The following TGM2 variants were observed in gnomAD, a reference collection of about 807,000 sequenced individuals.
TGM2 encodes protein-glutamine gamma-glutamyltransferase 2.
In TGM2, 53 loss-of-function variants were observed where a neutral mutation model predicts 75.6. The ratio of observed to expected loss-of-function variants is 0.70; its 90% CI spans 0.56 to 0.88. The LOEUF is 0.88. Ranked by LOEUF, TGM2 falls within the 40% of genes least tolerant of loss-of-function variation. The probability of loss-of-function intolerance (pLI) is 0.00; values close to 1 mark genes in which losing one functional copy is unlikely to be tolerated. For synonymous variants in TGM2, 374 were observed against 381.1 expected (o/e 0.98, Z 0.22); for missense variants, 842 against 928.5 (o/e 0.91, Z 1.21).
chr20:38,146,780 T>G lies in TGM2; in HGVS notation c.796A>C (p.Asn266His). ...TACTTGACGCGCTGGCAGCCGTGGTTCTTCCAGCGCCGCAGGATGTCCACG... is the reference window on the plus strand; with the variant it reads ...TACTTGACGCGCTGGCAGCCGTGGTGCTTCCAGCGCCGCAGGATGTCCACG... ...GSVDILRRWK[N>H]HGCQRVKYGQ... is the part of the protein sequence containing the mutation. Residue 266 changes from asparagine (N) to histidine (H), a missense_variant, in exon 6 of 13, where the codon AAC becomes CAC. Physicochemically the swap from Asn to His is moderately conservative, Grantham distance 68. Coordinates refer to ENST00000361475, the MANE Select transcript of TGM2 (RefSeq NM_004613.4). The G allele has an allele frequency of 6.2e-7, 1 of 1,613,918 alleles. No homozygotes were observed. The highest frequency in any genetic ancestry group is 1.1e-5 in the South Asian group (1 of 91,080).
intron 10 of TGM2, among the ~76,000 whole-genome samples, chr20:38,135,026 G>A (rs906707916): frequency 2.3e-4 from 35 of 152,296 alleles, no homozygotes; most frequent in African/African-American, 7.7e-4. Context: ...GTCTCCAGTG[G>A]ATCCCCAACA....
chr20:38,155,785 C>G, intron 3 of TGM2, 62 bp downstream of exon 3: 1 of 1,545,872 alleles, frequency 6.5e-7, no homozygotes, highest in Non-Finnish European at 8.7e-7. Flanking sequence ...CCAGTAGCCT[C>G]CTCCATGGGC....
At chr20:38,157,799 A>G (rs551457835) in intron 2 of TGM2, among the ~76,000 whole-genome samples, 13 of 152,372 alleles carry the variant, frequency 8.5e-5, no homozygotes, top group African/African-American at 2.6e-4. Flanking sequence ...GTTCATAGAA[A>G]GCATTTTGAA....
chr20:38,138,370 C>G lies in TGM2; in HGVS notation c.1358G>C (p.Arg453Thr). The change falls in exon 10 of 13, where the codon AGG becomes ACG. Residue 453 changes from arginine (R) to threonine (T), a missense_variant. Coordinates refer to ENST00000361475, the MANE Select transcript of TGM2 (RefSeq NM_004613.4). The part of the protein sequence containing the change: ...YKYPEGSSEE[R>T]EAFTRANHLN... ...GTGGTTCGCCCTTGTGAAGGCCTCC[C>G]TCTCCTCTGAGGACCCTGTAGGGGT... is the stretch of plus-strand genomic sequence containing the variant. 6.2e-7 allele frequency: 1 copy of G among 1,614,038 alleles called. No individual in the cohort carries two copies.
Position 38,139,663 on chromosome 20 carries a change from G to T in TGM2, c.1100-9C>A. On this transcript the variant is annotated splice_polypyrimidine_tract_variant and intron_variant, in intron 8 of 12. Coordinates refer to ENST00000361475, the MANE Select transcript of TGM2 (RefSeq NM_004613.4). ...GCCACAGCAGTACGTCCCTGGCAGA[G>T]GTAGAAAGGGGAAGGGATGGGCCTG... 1 of 1,614,092 alleles carries T rather than the reference G, an allele frequency of 6.2e-7. No individual in the cohort carries two copies. Among genetic ancestry groups the T allele is most frequent in the South Asian group, 1.1e-5 (1 of 91,062 alleles).
At chr20:38,165,297 A>C, upstream of TGM2, 5 of 1,564,858 alleles carry the variant, frequency 3.2e-6, no homozygotes, top group Non-Finnish European at 4.4e-6. Context: ...GCGCTAACTT[A>C]TAGCCCGCTT....
intron 1 of TGM2, among the ~76,000 whole-genome samples, chr20:38,164,547 T>C (rs1002706374): frequency 5.3e-5 from 8 of 152,000 alleles, no homozygotes; most frequent in Non-Finnish European, 1.2e-4. Flanking sequence ...ACGGTCAGGG[T>C]GACAGATGGG....
Position 38,139,467 on chromosome 20 carries a change from C to T in TGM2, c.1287G>A (p.Lys429=), listed in dbSNP as rs537512823. ...CCTCCCGCTCGTCTCGGCCCACGCT[C>T]TTAGTGCTGATCTTCAGCCCAACGA... ...SLIVGLKIST[K]SVGRDEREDI... The change falls in exon 9 of 13, where the codon AAG becomes AAA. Residue 429 remains lysine, a synonymous_variant. Transcript: ENST00000361475. 1 of 1,614,220 alleles carries T rather than the reference C, an allele frequency of 6.2e-7. No homozygotes were observed. Among genetic ancestry groups the T allele is most frequent in the Non-Finnish European group, 8.5e-7 (1 of 1,180,050 alleles).
intron 3 of TGM2, among the ~76,000 whole-genome samples, chr20:38,155,609 A>T (rs1387138723): frequency 6.6e-6 from 1 of 152,094 alleles, no homozygotes; most frequent in Non-Finnish European, 1.5e-5. Flanking sequence ...CAGCCTCCCA[A>T]AGAACCGAGA....
chr20:38,140,300 C>T (rs976919930), intron 8 of TGM2, among the ~76,000 whole-genome samples: 1 of 152,304 alleles, frequency 6.6e-6, no homozygotes, highest in South Asian at 2.1e-4. Context: ...TGATGGACCA[C>T]GGTCACATTA....
intron 12 of TGM2, among the ~76,000 whole-genome samples, chr20:38,130,621 C>T (rs1269461045): frequency 6.6e-6 from 1 of 152,122 alleles, no homozygotes; most frequent in Non-Finnish European, 1.5e-5. Context: ...CTCAGGTAGC[C>T]GTGTGTGTGA....
At chr20:38,146,952 C>T in intron 5 of TGM2, 58 bp from the exon 6 acceptor site, 1 of 1,558,770 alleles carries the variant, frequency 6.4e-7, no homozygotes, top group Non-Finnish European at 8.7e-7. Flanking sequence ...GGCTGTGCCG[C>T]CTGGGTGAGC....
rs756793523 is a variant in TGM2, at chr20:38,141,388, G to GA, written c.996-4dup. On this transcript the variant is annotated splice_region_variant and splice_polypyrimidine_tract_variant and intron_variant, in intron 7 of 12. Transcript: ENST00000361475. ...ACTCCACCCAGCAGTGGAAGTTCCT[G>GA]AGGGGGATAGGGGGGCGGGAATGAA... The GA allele has an allele frequency of 6.4e-7, 1 of 1,572,516 alleles. No homozygotes were observed. Among genetic ancestry groups the GA allele is most frequent in the South Asian group, 1.2e-5 (1 of 85,638 alleles).
At chr20:38,142,019 G>A (rs778533521) in intron 7 of TGM2, 45 bp downstream of exon 7, 2 of 1,612,298 alleles carry the variant, frequency 1.2e-6, no homozygotes, top group Non-Finnish European at 1.7e-6. Flanking sequence ...CTCTCCATGG[G>A]GCCCTCCCTA....
chr20:38,160,844 TC>T (rs1451246197), intron 2 of TGM2, among the ~76,000 whole-genome samples: 2 of 152,222 alleles, frequency 1.3e-5, no homozygotes, highest in Non-Finnish European at 2.9e-5. Context: ...TTTTCTTTTT[TC>T]TTTTAAGGTG....
chr20:38,142,455 A>AT (rs2122889570), intron 6 of TGM2, among the ~76,000 whole-genome samples: 1 of 152,106 alleles, frequency 6.6e-6, no homozygotes, highest in East Asian at 1.9e-4. Context: ...GCTCACGCCT[A>AT]TAATCCCAGC....
intron 8 of TGM2, among the ~76,000 whole-genome samples, chr20:38,140,606 T>C (rs2074960201): frequency 6.6e-6 from 1 of 152,216 alleles, no homozygotes; most frequent in South Asian, 2.1e-4. Context: ...GCGTGGTCAT[T>C]ACAACCTTAC....
At chr20:38,162,766 T>C (rs1442704707) in intron 1 of TGM2, among the ~76,000 whole-genome samples, 1 of 152,116 alleles carries the variant, frequency 6.6e-6, no homozygotes, top group Non-Finnish European at 1.5e-5. Context: ...ACAGATGACA[T>C]GATGTGATGT....
chr20:38,132,398 T>A lies in TGM2; in HGVS notation c.1718A>T (p.Asn573Ile). The A allele has an allele frequency of 6.2e-7, 1 of 1,614,136 alleles. No homozygotes were observed. Among genetic ancestry groups the A allele is most frequent in the Non-Finnish European group, 8.5e-7 (1 of 1,180,020 alleles). ...GTCCCTCTCAGCCAGCAGGTAGCTG[T>A]TGATAACTGGCTCCACGAGGAGGGC... ...VRALLVEPVI[N>I]SYLLAERDLY... The change falls in exon 11 of 13, where the codon AAC (asparagine) becomes ATC (isoleucine). Residue 573 changes from asparagine (N) to isoleucine (I), a missense_variant. Coordinates refer to ENST00000361475, the MANE Select transcript of TGM2 (RefSeq NM_004613.4).
Sources: gnomAD v4.1 joint callset for allele counts (sites outside exome capture counted in the v4.1 genomes callset) on GRCh38, gnomAD v4.1.1 for gene constraint, MANE v1.5 for transcripts, NCBI Gene and HGNC (gene_info 2026-07-23, HGNC 2026-07-21) for gene names.